TMTC1: variants seen among roughly 807,000 people sequenced by gnomAD.
TMTC1 encodes the protein transmembrane O-mannosyltransferase targeting cadherins 1.
Under a neutral mutation model 104.8 loss-of-function variants are expected in TMTC1, and 73 were observed. The observed-to-expected ratio is 0.70, with a 90% CI of 0.58 to 0.85. TMTC1 has a LOEUF of 0.85. TMTC1 is among the 40% of genes least tolerant of loss of function. The probability of loss-of-function intolerance (pLI) is 0.00; values close to 1 mark genes in which losing one functional copy is unlikely to be tolerated. For missense variants in TMTC1, 1,035 were observed against 1,096.1 expected (o/e 0.94, Z 0.79); for synonymous variants, 434 against 428.7 (o/e 1.01, Z -0.15).
chr12:29,776,565 CA>C (rs1943712969), intron 1 of TMTC1, among the ~76,000 whole-genome samples: 1 of 152,176 alleles, frequency 6.6e-6, no homozygotes, highest in Admixed American at 6.5e-5. Flanking sequence ...AAAATTAATT[CA>C]TTTTTAATTG....
chr12:29,671,544 C>T (rs528795765), intron 5 of TMTC1, among the ~76,000 whole-genome samples: 38 of 151,388 alleles, frequency 2.5e-4, no homozygotes, highest in African/African-American at 3.6e-4. Flanking sequence ...GTTCTAAACA[C>T]GCTAATTCTT....
chr12:29,633,474 A>G, intron 5 of TMTC1, 138 bp from the exon 6 acceptor site: 1 of 718,634 alleles, frequency 1.4e-6, no homozygotes, highest in African/African-American at 1.8e-5. Context: ...GGAAGATGGA[A>G]AGCCATTCAC....
chr12:29,509,558 T>C (rs538072602), intron 17 of TMTC1, among the ~76,000 whole-genome samples: 2 of 152,334 alleles, frequency 1.3e-5, no homozygotes, highest in African/African-American at 4.8e-5. Context: ...AGAAAGTTCA[T>C]AATTATCTTT....
intron 5 of TMTC1, among the ~76,000 whole-genome samples, chr12:29,671,235 G>A (rs192069820): frequency 1.9e-3 from 295 of 151,620 alleles, no homozygotes; most frequent in African/African-American, 6.9e-3. Context: ...GGCCTCCGGA[G>A]GTTGCAGTGA....
intron 5 of TMTC1, among the ~76,000 whole-genome samples, chr12:29,750,285 A>T (rs960426217): frequency 3.3e-5 from 5 of 152,176 alleles, no homozygotes; most frequent in Admixed American, 2.0e-4. Context: ...CTCATTCAGG[A>T]GGATTTGGAA....
At chr12:29,661,604 T>G (rs188159670) in intron 5 of TMTC1, among the ~76,000 whole-genome samples, 1 of 151,444 alleles carries the variant, frequency 6.6e-6, no homozygotes, top group Admixed American at 6.6e-5. Context: ...TTTTTAGTAT[T>G]TTTGTATTTT....
At chr12:29,603,350 T>C (rs1946616418) in intron 7 of TMTC1, among the ~76,000 whole-genome samples, 1 of 152,070 alleles carries the variant, frequency 6.6e-6, no homozygotes, top group Non-Finnish European at 1.5e-5. Flanking sequence ...TTTATGATAC[T>C]GCCTTTTAGG....
At chr12:29,773,460 G>A (rs1943639663) in intron 1 of TMTC1, among the ~76,000 whole-genome samples, 1 of 152,070 alleles carries the variant, frequency 6.6e-6, no homozygotes, top group Non-Finnish European at 1.5e-5. Flanking sequence ...CTGTATTTGT[G>A]AAACAGAGAC....
At chr12:29,774,759 CTCT>C (rs1289624652) in intron 1 of TMTC1, among the ~76,000 whole-genome samples, 1 of 152,202 alleles carries the variant, frequency 6.6e-6, no homozygotes, top group African/African-American at 2.4e-5. Context: ...ATTTTGGTTG[CTCT>C]TCTTCTGCAT....
intron 5 of TMTC1, among the ~76,000 whole-genome samples, chr12:29,638,570 T>C (rs546224852): frequency 1.1e-4 from 17 of 152,128 alleles, no homozygotes; most frequent in Non-Finnish European, 2.2e-4. Context: ...GAGGGTCTAA[T>C]TGAGCTGATT....
In TMTC1 at chr12:29,682,988, C is replaced by G. The variant is rs1011730060; in HGVS notation, c.939-49652G>C. ...TGAACAAAGGGGATAGAGAATCTCT[C>G]TCTACTATTTCTAGATTTTCCTGTG... On this transcript the variant is annotated intron_variant, in intron 5 of 17. Transcript: ENST00000539277. 4.6e-5 allele frequency among the ~76,000 whole-genome samples: 7 copies of G among 152,132 alleles called. No homozygotes were observed. The South Asian group carries it at 6.2e-4, about 14-fold the overall frequency.
At chr12:29,550,805 A>G (rs908197850) in intron 10 of TMTC1, among the ~76,000 whole-genome samples, 1 of 151,964 alleles carries the variant, frequency 6.6e-6, no homozygotes, top group Non-Finnish European at 1.5e-5. Context: ...GGATGATGGA[A>G]GAAGGTACAA....
At chr12:29,591,838 T>C (rs925185479) in intron 7 of TMTC1, among the ~76,000 whole-genome samples, 3 of 152,240 alleles carry the variant, frequency 2.0e-5, no homozygotes, top group South Asian at 2.1e-4. Context: ...GGGAACTTGT[T>C]AGCAGCGAAT....
At chr12:29,601,217 T>C (rs1946556554) in intron 7 of TMTC1, among the ~76,000 whole-genome samples, 1 of 152,222 alleles carries the variant, frequency 6.6e-6, no homozygotes. Context: ...TTCTGGGGGT[T>C]GGAGGATATA....
intron 5 of TMTC1, among the ~76,000 whole-genome samples, chr12:29,732,342 C>G (rs1426252854): frequency 6.6e-6 from 1 of 152,100 alleles, no homozygotes; most frequent in Non-Finnish European, 1.5e-5. Flanking sequence ...CCATGGCAAC[C>G]AGAAACACAA....
intron 1 of TMTC1, among the ~76,000 whole-genome samples, chr12:29,770,487 T>C (rs1464571906): frequency 6.6e-6 from 1 of 152,210 alleles, no homozygotes. Flanking sequence ...TAATTCCATC[T>C]GTGGGGTTAT....
intron 5 of TMTC1, chr12:29,660,760 A>T (rs1939980260): frequency 2.7e-6 from 2 of 741,022 alleles, no homozygotes; most frequent in South Asian, 4.5e-5. Context: ...AACATTCCTT[A>T]TCAGATATTT....
intron 5 of TMTC1, among the ~76,000 whole-genome samples, chr12:29,699,827 G>C (rs1941534150): frequency 6.6e-6 from 1 of 151,610 alleles, no homozygotes; most frequent in African/African-American, 2.4e-5. Flanking sequence ...TTATTTTGTA[G>C]AGATGGGTCT....
At chr12:29,765,188 ATC>A (rs1467572290) in intron 2 of TMTC1, among the ~76,000 whole-genome samples, 4 of 152,248 alleles carry the variant, frequency 2.6e-5, no homozygotes, top group African/African-American at 7.2e-5. Context: ...AAACTTAAGT[ATC>A]TCTCTTATTT....
Sources: gnomAD v4.1 joint callset for allele counts (sites outside exome capture counted in the v4.1 genomes callset) on GRCh38, gnomAD v4.1.1 for gene constraint, MANE v1.5 for transcripts, NCBI Gene and HGNC (gene_info 2026-07-23, HGNC 2026-07-21) for gene names.